Variants in CSMD1 observed in about 807,000 individuals in gnomAD.
CSMD1 encodes the protein CUB and Sushi multiple domains 1, also known as CUB and sushi domain-containing protein 1.
A neutral mutation model predicts 417.5 loss-of-function variants in CSMD1; 213 were observed. That is an observed-to-expected ratio of 0.51 (90% CI 0.46 to 0.57). The LOEUF is 0.57. Ranked by LOEUF, CSMD1 falls within the 20% of genes least tolerant of loss-of-function variation. The pLI, the probability that CSMD1 is intolerant of heterozygous loss-of-function variation, is 0.00. For synonymous variants in CSMD1, 2,862 were observed against 1,736.8 expected (o/e 1.65, Z -16.11); for missense variants, 6,923 against 4,529.7 (o/e 1.53, Z -15.17).
intron 5 of CSMD1, among the ~76,000 whole-genome samples, chr8:3,773,995 T>A (rs888118624): frequency 6.6e-6 from 1 of 152,182 alleles, no homozygotes; most frequent in Non-Finnish European, 1.5e-5. Flanking sequence ...TGCTCTTAAT[T>A]CTTTTACTTA....
intron 3 of CSMD1, among the ~76,000 whole-genome samples, chr8:4,307,679 T>G (rs1218834416): frequency 6.6e-6 from 1 of 152,118 alleles, no homozygotes; most frequent in East Asian, 1.9e-4. Context: ...ACAAATTTGT[T>G]GGTGACTTTG....
At chr8:3,781,344 C>T (rs183924695) in intron 5 of CSMD1, among the ~76,000 whole-genome samples, 2 of 152,022 alleles carry the variant, frequency 1.3e-5, no homozygotes, top group Non-Finnish European at 2.9e-5. Context: ...ACTCATTGAA[C>T]ACGGAGTCTA....
chr8:3,321,571 C>G (rs9644338), intron 23 of CSMD1, among the ~76,000 whole-genome samples: 57,715 of 152,008 alleles, frequency 0.38, 12,042 homozygotes, highest in East Asian at 0.64. Context: ...CCTGAACGCA[C>G]GGGTAGCCCA....
chr8:4,408,294 C>G (rs1165264984), intron 3 of CSMD1, among the ~76,000 whole-genome samples: 1 of 152,094 alleles, frequency 6.6e-6, no homozygotes, highest in East Asian at 1.9e-4. Context: ...ATGAAAGAAC[C>G]AGTGTCAAAA....
chr8:4,121,350 G>A (rs1304984107), intron 3 of CSMD1, among the ~76,000 whole-genome samples: 5 of 151,998 alleles, frequency 3.3e-5, no homozygotes, highest in Non-Finnish European at 2.9e-5. Context: ...CCTGACCTCA[G>A]ATGATCCACC....
At chr8:3,842,925 A>G (rs1414021848) in intron 5 of CSMD1, among the ~76,000 whole-genome samples, 3 of 152,184 alleles carry the variant, frequency 2.0e-5, no homozygotes, top group African/African-American at 7.2e-5. Context: ...AACGCACTGA[A>G]GATGTTCCTA....
At chr8:4,765,506 A>C (rs552781472) in intron 1 of CSMD1, among the ~76,000 whole-genome samples, 1 of 152,370 alleles carries the variant, frequency 6.6e-6, no homozygotes, top group African/African-American at 2.4e-5. Flanking sequence ...GTTTAAAATT[A>C]TACTGCTGGG....
intron 5 of CSMD1, among the ~76,000 whole-genome samples, chr8:3,838,976 ATAT>A (rs1279135947): frequency 8.2e-6 from 1 of 122,324 alleles, no homozygotes; most frequent in Admixed American, 9.7e-5. Context: ...ATTATATATA[ATAT>A]ATTATATATC....
intron 63 of CSMD1, 98 bp downstream of exon 63, chr8:2,957,598 A>C: frequency 1.2e-6 from 1 of 853,762 alleles, no homozygotes; most frequent in Non-Finnish European, 1.9e-6. Context: ...TTAGGGAATT[A>C]AAAACAATTT....
chr8:3,884,934 T>C (rs1000023353), intron 5 of CSMD1, among the ~76,000 whole-genome samples: 5 of 148,100 alleles, frequency 3.4e-5, no homozygotes, highest in Middle Eastern at 3.3e-3. Flanking sequence ...TATATATTCA[T>C]ATATATATAT....
rs115594346 is a variant in CSMD1, at chr8:4,163,061, T to C, written c.416-130962A>G. 9.9e-3 allele frequency among the ~76,000 whole-genome samples: 1,505 copies of C among 152,316 alleles called. 20 individuals carry two copies. Among genetic ancestry groups the C allele is most frequent in the African/African-American group, 0.034 (1,415 of 41,570 alleles). On this transcript the variant is annotated intron_variant, in intron 3 of 69. Coordinates refer to ENST00000635120, the MANE Select transcript of CSMD1 (RefSeq NM_033225.6). ...AGTTCACTCTATGTCTTTGCATGGC[T>C]TTCGGTTAATTTTGTTTTAGCAATG...
chr8:3,032,702 C>A (rs1563259239), intron 50 of CSMD1, among the ~76,000 whole-genome samples: 1 of 152,040 alleles, frequency 6.6e-6, no homozygotes, highest in Admixed American at 6.6e-5. Flanking sequence ...GTCACATACA[C>A]TCTCACAAAG....
intron 1 of CSMD1, among the ~76,000 whole-genome samples, chr8:4,856,362 G>C (rs1385707459): frequency 4.2e-5 from 6 of 144,466 alleles, no homozygotes; most frequent in African/African-American, 1.6e-4. Flanking sequence ...ATCAACTAAC[G>C]AGCAAAATAA....
At chr8:4,618,797 T>C (rs901871272) in intron 2 of CSMD1, among the ~76,000 whole-genome samples, 2 of 152,196 alleles carry the variant, frequency 1.3e-5, no homozygotes, top group African/African-American at 4.8e-5. Context: ...ATTTCTGACT[T>C]CACTGTTCAG....
rs980721088 is a variant in CSMD1, at chr8:3,419,240, G to A, written c.1562-9635C>T. The stretch of plus-strand genomic sequence containing the variant: ...TCATCCTCACAGAAGGATACTATCA[G>A]GCTTACAATCTGCACCAACCAGATG... On this transcript the variant is annotated intron_variant, in intron 12 of 69. Coordinates refer to ENST00000635120, the MANE Select transcript of CSMD1 (RefSeq NM_033225.6). Among the ~76,000 whole-genome samples, 3 of 152,288 alleles carry A rather than the reference G, an allele frequency of 2.0e-5. No individual in the cohort carries two copies. In the East Asian group the frequency reaches 5.8e-4, roughly 29 times the overall value.
At chr8:4,246,779 C>T (rs1563331274) in intron 3 of CSMD1, among the ~76,000 whole-genome samples, 1 of 152,032 alleles carries the variant, frequency 6.6e-6, no homozygotes, top group East Asian at 1.9e-4. Context: ...TTTTTTAAGA[C>T]ATTTGAAATG....
At chr8:3,630,672 A>G (rs1380355893) in intron 7 of CSMD1, among the ~76,000 whole-genome samples, 1 of 152,026 alleles carries the variant, frequency 6.6e-6, no homozygotes, top group East Asian at 2.0e-4. Context: ...TTCGAGAAAA[A>G]ATGTGAGAGA....
At chr8:4,619,543 T>C in intron 2 of CSMD1, among the ~76,000 whole-genome samples, 1 of 152,188 alleles carries the variant, frequency 6.6e-6, no homozygotes, top group Non-Finnish European at 1.5e-5. Flanking sequence ...TGCTAAGCTC[T>C]AATGCATCTT....
chr8:4,212,770 T>C (rs1331152849), intron 3 of CSMD1, among the ~76,000 whole-genome samples: 1 of 145,738 alleles, frequency 6.9e-6, no homozygotes, highest in Admixed American at 6.8e-5. Context: ...TTTTTTTTTT[T>C]TTTTTTACAA....
Sources: allele counts gnomAD v4.1 joint callset (sites outside exome capture counted in the v4.1 genomes callset), GRCh38; gene constraint gnomAD v4.1.1; transcripts MANE v1.5; gene names NCBI Gene and HGNC (gene_info 2026-07-23, HGNC 2026-07-21).